Variants in ERC1 observed in about 807,000 individuals in gnomAD.
ERC1 encodes RAB6 interacting protein 2.
Under a neutral mutation model 132.0 loss-of-function variants are expected in ERC1, and 56 were observed. The observed-to-expected ratio is 0.42, with a 90% CI of 0.34 to 0.53. ERC1 has a LOEUF of 0.53. Ranked by LOEUF, ERC1 falls within the 20% of genes least tolerant of loss-of-function variation. The pLI is 0.03. For missense variants in ERC1, 1,202 were observed against 1,349.9 expected (o/e 0.89, Z 1.72); for synonymous variants, 478 against 476.1 (o/e 1.00, Z -0.05).
At chr12:1,022,216 CA>C (rs1237267731) in intron 1 of ERC1, among the ~76,000 whole-genome samples, 3 of 152,102 alleles carry the variant, frequency 2.0e-5, no homozygotes, top group African/African-American at 7.2e-5. Flanking sequence ...TGTGCCTGGC[CA>C]AGAAGTACAT....
At chr12:1,228,132 G>T (rs1381099895) in intron 12 of ERC1, among the ~76,000 whole-genome samples, 1 of 152,080 alleles carries the variant, frequency 6.6e-6, no homozygotes, top group African/African-American at 2.4e-5. Context: ...GTCTTTTATG[G>T]TTCCATACGA....
At chr12:1,345,375 G>A (rs1338002891) in intron 15 of ERC1, among the ~76,000 whole-genome samples, 1 of 151,834 alleles carries the variant, frequency 6.6e-6, no homozygotes, top group Non-Finnish European at 1.5e-5. Context: ...AGTAGAAATG[G>A]GATTTCACCG....
intron 13 of ERC1, among the ~76,000 whole-genome samples, chr12:1,250,035 AGATTCT>A (rs1051818010): frequency 4.4e-4 from 67 of 152,322 alleles, no homozygotes; most frequent in African/African-American, 1.6e-3. Context: ...CACAAAATTC[AGATTCT>A]GATTCTGATC....
At chr12:1,394,552 C>T (rs553999194) in intron 16 of ERC1, among the ~76,000 whole-genome samples, 1 of 152,206 alleles carries the variant, frequency 6.6e-6, no homozygotes, top group South Asian at 2.1e-4. Flanking sequence ...GAAGAAGGGG[C>T]CTGATGAGAG....
rs5795968 is a variant in ERC1 at position 1,374,824 on chromosome 12, ATTTT to A, written c.2925+2866_2925+2869del. ...GCTGGGCTTTTCAGGACAGGCTGGG[ATTTT>A]TTTTTTTTTTTTTTTTTTCTGTTTT... On this transcript the variant is annotated intron_variant, in intron 16 of 18. Coordinates refer to ENST00000360905, the MANE Select transcript of ERC1 (RefSeq NM_178040.4). 1.8e-4 allele frequency among the ~76,000 whole-genome samples: 23 copies of A among 124,542 alleles called. 1 individual carries two copies. Among genetic ancestry groups the A allele is most frequent in the African/African-American group, 6.5e-4 (22 of 33,764 alleles). 81.7% of individuals were successfully genotyped at this position (124,542 alleles called of 152,430 possible).
chr12:1,461,229 A>G (rs931915428), intron 18 of ERC1, among the ~76,000 whole-genome samples: 1 of 152,098 alleles, frequency 6.6e-6, no homozygotes, highest in African/African-American at 2.4e-5. Context: ...ATCATCTCAT[A>G]CAATTAGCCA....
intron 15 of ERC1, among the ~76,000 whole-genome samples, chr12:1,312,966 T>C (rs1336135513): frequency 6.6e-6 from 1 of 152,146 alleles, no homozygotes; most frequent in African/African-American, 2.4e-5. Context: ...AGGGTTCTCT[T>C]AGTTCATTTT....
chr12:990,712 C>CT (rs1959173534), upstream of ERC1: 1 of 152,254 alleles, frequency 6.6e-6, no homozygotes, highest in African/African-American at 2.4e-5. Flanking sequence ...AGCGTCCCCC[C>CT]AGCAGCCAGG....
At chr12:1,138,071 TTTATA>T (rs1316986661) in intron 7 of ERC1, among the ~76,000 whole-genome samples, 3 of 100,226 alleles carry the variant, frequency 3.0e-5, no homozygotes, top group Non-Finnish European at 6.3e-5. Context: ...TATATATTGT[TTTATA>T]TTATATATAA....
chr12:1,343,831 G>A (rs974133897), intron 15 of ERC1, among the ~76,000 whole-genome samples: 3 of 151,202 alleles, frequency 2.0e-5, no homozygotes, highest in Admixed American at 6.6e-5. Context: ...TTAAATTGTA[G>A]ATTTCATATG....
chr12:1,099,909 A>G (rs779390239), intron 3 of ERC1, among the ~76,000 whole-genome samples: 18 of 126,668 alleles, frequency 1.4e-4, no homozygotes, highest in Non-Finnish European at 2.5e-4. Flanking sequence ...CTGCAGTGGC[A>G]CCATCTCGGC....
chr12:1,095,948 T>TTG (rs1555238309), intron 3 of ERC1, among the ~76,000 whole-genome samples: 15 of 144,482 alleles, frequency 1.0e-4, no homozygotes, highest in East Asian at 2.0e-4. Flanking sequence ...TTTTTTTTTT[T>TTG]GAGATAGGGT....
In ERC1 at chr12:1,320,346, T is replaced by G. The variant is rs181474250; in HGVS notation, c.2780+30334T>G. On this transcript the variant is annotated intron_variant, in intron 15 of 18. Coordinates refer to ENST00000360905, the MANE Select transcript of ERC1 (RefSeq NM_178040.4). Reference sequence around the variant, plus strand: ...ACCCAAATGTGTATGAAAGTGTGCATCTCCTTAATTGTTAGGTGTAGTGGA... The same window carrying G: ...ACCCAAATGTGTATGAAAGTGTGCAGCTCCTTAATTGTTAGGTGTAGTGGA... Among the ~76,000 whole-genome samples, 268 of 152,306 alleles carry G rather than the reference T, an allele frequency of 1.8e-3. 1 individual carries two copies. The highest frequency in any genetic ancestry group is 4.6e-3 in the Admixed American group (71 of 15,302).
chr12:1,026,114 A>G (rs1163211560), intron 1 of ERC1, among the ~76,000 whole-genome samples: 1 of 152,026 alleles, frequency 6.6e-6, no homozygotes, highest in African/African-American at 2.4e-5. Flanking sequence ...GGTTTAATGG[A>G]CTCTCAGTTC....
At chr12:1,124,522 A>G (rs187874942) in intron 7 of ERC1, among the ~76,000 whole-genome samples, 1 of 152,326 alleles carries the variant, frequency 6.6e-6, no homozygotes, top group Non-Finnish European at 1.5e-5. Context: ...AGCAGTATTT[A>G]GAGGGAAATA....
intron 17 of ERC1, 142 bp downstream of exon 17, chr12:1,408,389 T>C: frequency 3.6e-6 from 2 of 550,184 alleles, no homozygotes; most frequent in South Asian, 3.2e-5. Flanking sequence ...AACTCTACTC[T>C]TTTCAAAAAA....
intron 12 of ERC1, among the ~76,000 whole-genome samples, chr12:1,203,362 G>A (rs1957089379): frequency 6.6e-6 from 1 of 152,130 alleles, no homozygotes; most frequent in African/African-American, 2.4e-5. Flanking sequence ...CTGCCCGGCT[G>A]CTACATTCTT....
At chr12:1,048,204 G>A (rs886705430) in intron 2 of ERC1, among the ~76,000 whole-genome samples, 1 of 152,204 alleles carries the variant, frequency 6.6e-6, no homozygotes, top group Non-Finnish European at 1.5e-5. Flanking sequence ...ATGGGATAGG[G>A]TTATGGTATT....
At chr12:1,152,060 A>T (rs1405244557) in intron 8 of ERC1, among the ~76,000 whole-genome samples, 2 of 152,074 alleles carry the variant, frequency 1.3e-5, no homozygotes, top group South Asian at 2.1e-4. Flanking sequence ...ATTAGCTGGG[A>T]GTAGTGGCAG....
Sources: gnomAD v4.1 joint callset for allele counts (sites outside exome capture counted in the v4.1 genomes callset) on GRCh38, gnomAD v4.1.1 for gene constraint, MANE v1.5 for transcripts, NCBI Gene and HGNC (gene_info 2026-07-23, HGNC 2026-07-21) for gene names.